Variants in PBX3 observed in about 807,000 individuals in gnomAD.
PBX3 encodes pre-B-cell leukemia transcription factor 3.
A neutral mutation model predicts 48.5 loss-of-function variants in PBX3; 14 were observed. The observed-to-expected ratio is 0.29, with a 90% CI of 0.19 to 0.45. PBX3 has a LOEUF of 0.45. Among genes scored for constraint, PBX3 ranks in the 20% least tolerant of loss-of-function variants. PBX3 has a pLI of 1.00. For missense variants in PBX3, 386 were observed against 546.7 expected, an observed-to-expected ratio of 0.71 and a Z score of 2.93; for synonymous variants, 210 against 200.3, an observed-to-expected ratio of 1.05 and a Z score of -0.41.
chr9:125,879,610 T>G (rs1840335754), intron 2 of PBX3, among the ~76,000 whole-genome samples: 1 of 145,674 alleles, frequency 6.9e-6, no homozygotes, highest in Non-Finnish European at 1.6e-5. Flanking sequence ...GAACCTAAGT[T>G]ATCACAAATT....
chr9:125,853,203 T>C (rs1287511944), intron 2 of PBX3, among the ~76,000 whole-genome samples: 1 of 152,148 alleles, frequency 6.6e-6, no homozygotes, highest in Non-Finnish European at 1.5e-5. Flanking sequence ...AAGAATTACT[T>C]TAAGTGCAAA....
intron 2 of PBX3, among the ~76,000 whole-genome samples, chr9:125,811,104 C>A (rs964481210): frequency 6.6e-5 from 10 of 152,150 alleles, no homozygotes; most frequent in Admixed American, 6.6e-5. Flanking sequence ...ATTTAGAAGG[C>A]AAACATGAGA....
intron 2 of PBX3, among the ~76,000 whole-genome samples, chr9:125,889,678 G>A (rs1840588064): frequency 6.6e-6 from 1 of 151,950 alleles, no homozygotes; most frequent in Non-Finnish European, 1.5e-5. Flanking sequence ...ATGACACGGA[G>A]GCTGCTCCAT....
At position 125,759,109 on chromosome 9, in the gene PBX3, C is replaced by T. The variant is rs1370956099; in HGVS notation, c.274+10486C>T. Among the ~76,000 whole-genome samples, 2 of 152,068 alleles carry T rather than the reference C, an allele frequency of 1.3e-5. No individual in the cohort carries two copies. The highest frequency in any genetic ancestry group is 2.9e-5 in the Non-Finnish European group (2 of 68,014). On this transcript the variant is annotated intron_variant, in intron 2 of 8. Coordinates refer to ENST00000373489, the MANE Select transcript of PBX3 (RefSeq NM_006195.6). The surrounding 1 kb of genome is among the most constrained non-coding windows in gnomAD (Gnocchi z 4.2). ...ATGGTTGATTCAAAGATGGCAAAAC[C>T]TGAGCTTAAAAAAATGTGGTCAGGT... is the stretch of plus-strand genomic sequence containing the variant.
At chr9:125,961,558 T>C (rs1366267678) in intron 6 of PBX3, among the ~76,000 whole-genome samples, 1 of 152,222 alleles carries the variant, frequency 6.6e-6, no homozygotes, top group East Asian at 1.9e-4. Flanking sequence ...GAAGGTCTCT[T>C]AGCTATATCT....
At chr9:125,762,958 G>A (rs1331780942) in intron 2 of PBX3, among the ~76,000 whole-genome samples, 2 of 152,064 alleles carry the variant, frequency 1.3e-5, no homozygotes, top group African/African-American at 4.8e-5. Flanking sequence ...AGCCTTTAGT[G>A]CCTAGTCAAA....
chr9:125,806,989 A>G (rs754886278), intron 2 of PBX3, among the ~76,000 whole-genome samples: 5 of 152,240 alleles, frequency 3.3e-5, no homozygotes, highest in Non-Finnish European at 7.3e-5. Context: ...GTTATTAGAA[A>G]TGGATTGCTA....
At chr9:125,946,076 T>A (rs1797007043) in intron 5 of PBX3, among the ~76,000 whole-genome samples, 1 of 152,202 alleles carries the variant, frequency 6.6e-6, no homozygotes, top group African/African-American at 2.4e-5. Context: ...GGATGCTTCC[T>A]CTTTCCCTTT....
Position 125,914,196 on chromosome 9 carries a change from T to C in PBX3, c.275-1490T>C, listed in dbSNP as rs145465360. On this transcript the variant is annotated intron_variant, in intron 2 of 8. Coordinates refer to ENST00000373489, the MANE Select transcript of PBX3 (RefSeq NM_006195.6). ...GGTACGCATTTTATGAGTTATCTTT[T>C]TGCTCTCCTAAATGAATATATTGTC... Among the ~76,000 whole-genome samples the C allele has an allele frequency of 1.9e-4, 29 of 152,310 alleles. No homozygotes were observed. In the East Asian group the frequency reaches 4.6e-3, roughly 24 times the overall value.
chr9:125,867,777 T>C (rs1840023195), intron 2 of PBX3, among the ~76,000 whole-genome samples: 1 of 151,780 alleles, frequency 6.6e-6, no homozygotes, highest in Admixed American at 6.6e-5. Flanking sequence ...CACACATATA[T>C]ACACACATAT....
intron 5 of PBX3, among the ~76,000 whole-genome samples, chr9:125,953,197 G>A (rs895076713): frequency 3.3e-5 from 5 of 152,008 alleles, no homozygotes; most frequent in Non-Finnish European, 5.9e-5. Context: ...TAGGACTAAG[G>A]GGCCAGGCAT....
intron 2 of PBX3, among the ~76,000 whole-genome samples, chr9:125,834,399 T>C (rs939287878): frequency 6.6e-6 from 1 of 152,008 alleles, no homozygotes; most frequent in African/African-American, 2.4e-5. Flanking sequence ...TTTACTTGTT[T>C]TTTTTATTTT....
intron 5 of PBX3, among the ~76,000 whole-genome samples, chr9:125,954,614 C>T (rs1015075639): frequency 7.9e-5 from 12 of 151,842 alleles, no homozygotes; most frequent in African/African-American, 2.7e-4. Flanking sequence ...TGGCTCACTG[C>T]AGTCTCTGCC....
At chr9:125,781,298 ACT>A (rs1837300240) in intron 2 of PBX3, among the ~76,000 whole-genome samples, 1 of 151,648 alleles carries the variant, frequency 6.6e-6, no homozygotes, top group Non-Finnish European at 1.5e-5. Context: ...CTGGCGGATC[ACT>A]CGCTGTTAGG....
chr9:125,798,115 A>G (rs999420924), intron 2 of PBX3, among the ~76,000 whole-genome samples: 29 of 152,196 alleles, frequency 1.9e-4, no homozygotes, highest in African/African-American at 4.3e-4. Flanking sequence ...ATTTTAATAC[A>G]TTATTATTAC....
intron 5 of PBX3, among the ~76,000 whole-genome samples, chr9:125,943,281 A>G (rs1258207770): frequency 7.2e-6 from 1 of 138,398 alleles, no homozygotes; most frequent in Non-Finnish European, 1.5e-5. Context: ...ACTTGAGCCT[A>G]GAGGTGGAGG....
chr9:125,935,699 A>G, intron 5 of PBX3, 92 bp downstream of exon 5: 2 of 1,149,404 alleles, frequency 1.7e-6, no homozygotes, highest in Non-Finnish European at 2.4e-6. Context: ...TCATATCCAA[A>G]TGTTCTATCA....
Position 125,848,985 on chromosome 9 carries a change from CTA to C in PBX3, c.275-66699_275-66698del, listed in dbSNP as rs142982710. On this transcript the variant is annotated intron_variant, in intron 2 of 8. Coordinates refer to ENST00000373489, the MANE Select transcript of PBX3 (RefSeq NM_006195.6). ...GAACACTTATAATGTGCCAGGTACT[CTA>C]TTAAGAATTTTGATATACCTTTTCT... is the stretch of plus-strand genomic sequence containing the variant. Among the ~76,000 whole-genome samples the C allele has an allele frequency of 2.8e-3, 428 of 152,014 alleles. 1 individual carries two copies. The highest frequency in any genetic ancestry group is 4.5e-3 in the Non-Finnish European group (308 of 67,862).
At chr9:125,917,389 C>T (rs572601793) in intron 3 of PBX3, among the ~76,000 whole-genome samples, 35 of 152,228 alleles carry the variant, frequency 2.3e-4, no homozygotes, top group African/African-American at 7.9e-4. Context: ...TCATTATCAC[C>T]CAAAATCCAT....
Sources: allele counts gnomAD v4.1 joint callset (sites outside exome capture counted in the v4.1 genomes callset), GRCh38; gene constraint gnomAD v4.1.1; non-coding constraint Gnocchi (gnomAD v3.1); transcripts MANE v1.5; gene names NCBI Gene and HGNC (gene_info 2026-07-23, HGNC 2026-07-21).